Variants in AGAP1 observed in about 807,000 individuals in gnomAD.
AGAP1 encodes the protein arf-GAP with GTPase, ANK repeat and PH domain-containing protein 1.
Under a neutral mutation model 105.3 loss-of-function variants are expected in AGAP1, and 29 were observed. The observed-to-expected ratio is 0.28, with a 90% CI of 0.21 to 0.38. The LOEUF (loss-of-function observed/expected upper bound fraction) is 0.38, where lower values mean the gene tolerates loss of function less well. Among genes scored for constraint, AGAP1 ranks in the 10% least tolerant of loss-of-function variants. The pLI, the probability that AGAP1 is intolerant of heterozygous loss-of-function variation, is 1.00. For synonymous variants in AGAP1, 509 were observed against 485.9 expected, an observed-to-expected ratio of 1.05 and a Z score of -0.63; for missense variants, 998 against 1,165.1, an observed-to-expected ratio of 0.86 and a Z score of 2.09.
Position 236,036,055 on chromosome 2 carries a change from A to G in AGAP1, c.1646-506A>G, listed in dbSNP as rs2057370340. ...ATCCCATGCACTCTCCCTGTCTGAA[A>G]ACGTGGGAATTGATGCCTCTCCCAC... On this transcript the variant is annotated intron_variant, in intron 13 of 17. Coordinates refer to ENST00000304032, the MANE Select transcript of AGAP1 (RefSeq NM_001037131.3). This position sits in a 1 kb window ranked among gnomAD's most constrained non-coding sequence, Gnocchi z 5.7. 1.3e-5 allele frequency among the ~76,000 whole-genome samples: 2 copies of G among 151,974 alleles called. No homozygotes were observed. The highest frequency in any genetic ancestry group is 2.9e-5 in the Non-Finnish European group (2 of 67,982).
In AGAP1 at chr2:235,748,858, A is replaced by T. The variant is rs142771833; in HGVS notation, c.539-1496A>T. On this transcript the variant is annotated intron_variant, in intron 5 of 17. Transcript: ENST00000304032. ...TGGATTTTTGTTTAAAGAGTTGTTT[A>T]TTGTTTTCTTTGGCATAAGAGCCTT... Among the ~76,000 whole-genome samples the T allele has an allele frequency of 1.4e-3, 219 of 152,278 alleles. 1 individual carries two copies. The highest frequency in any genetic ancestry group is 4.6e-3 in the African/African-American group (192 of 41,560).
chr2:235,540,787 G>A (rs779949782), intron 1 of AGAP1, among the ~76,000 whole-genome samples: 129 of 152,254 alleles, frequency 8.5e-4, no homozygotes, highest in Admixed American at 2.9e-3. Flanking sequence ...ATGCCGGGCA[G>A]TATAAAAAGT....
Position 235,663,762 on chromosome 2 carries a change from A to C in AGAP1, c.164-45417A>C, listed in dbSNP as rs1948038572. Among the ~76,000 whole-genome samples the C allele has an allele frequency of 6.6e-6, 1 of 152,138 alleles. No homozygotes were observed. On this transcript the variant is annotated intron_variant, in intron 1 of 17. Transcript: ENST00000304032. This position sits in a 1 kb window ranked among gnomAD's most constrained non-coding sequence, Gnocchi z 5.4. Reference sequence around the variant, plus strand: ...TCCAGGAAGCTCTTAGGAGAATCCAAATCCGACTTCCCTGTGCTTTGAGAA... The same window carrying C: ...TCCAGGAAGCTCTTAGGAGAATCCACATCCGACTTCCCTGTGCTTTGAGAA...
At chr2:235,749,926 G>A (rs1953291464) in intron 5 of AGAP1, among the ~76,000 whole-genome samples, 1 of 152,224 alleles carries the variant, frequency 6.6e-6, no homozygotes, top group South Asian at 2.1e-4. Flanking sequence ...GGCTCAGTGA[G>A]CATTTATTAA....
chr2:235,784,795 C>T (rs560027920), intron 6 of AGAP1, among the ~76,000 whole-genome samples: 1 of 152,156 alleles, frequency 6.6e-6, no homozygotes, highest in African/African-American at 2.4e-5. Context: ...ACTATAACAT[C>T]ACAAAGGGCA....
At chr2:235,640,406 A>G (rs990643524) in intron 1 of AGAP1, among the ~76,000 whole-genome samples, 1 of 152,242 alleles carries the variant, frequency 6.6e-6, no homozygotes, top group African/African-American at 2.4e-5. Context: ...CCAGGTCAGA[A>G]GGATAATCTC....
Position 235,701,397 on chromosome 2 carries a change from G to T in AGAP1, c.164-7782G>T, listed in dbSNP as rs1201884038. Among the ~76,000 whole-genome samples, 1 of 152,112 alleles carries T rather than the reference G, an allele frequency of 6.6e-6. No homozygotes were observed. Among genetic ancestry groups the T allele is most frequent in the Non-Finnish European group, 1.5e-5 (1 of 68,026 alleles). On this transcript the variant is annotated intron_variant, in intron 1 of 17. Coordinates refer to ENST00000304032, the MANE Select transcript of AGAP1 (RefSeq NM_001037131.3). This position sits in a 1 kb window ranked among gnomAD's most constrained non-coding sequence, Gnocchi z 4.1. Reference sequence around the variant, plus strand: ...CAGTGGCGTGGATGTACCTGCAGGGGTGGGCATGGTGGCATCTTGGTGGCC... The same window carrying T: ...CAGTGGCGTGGATGTACCTGCAGGGTTGGGCATGGTGGCATCTTGGTGGCC...
intron 9 of AGAP1, among the ~76,000 whole-genome samples, chr2:235,863,209 G>T (rs2049008709): frequency 6.6e-6 from 1 of 152,226 alleles, no homozygotes; most frequent in South Asian, 2.1e-4. Context: ...GAGCCAGATG[G>T]CAGGGGCATC....
Position 235,971,350 on chromosome 2 carries a change from A to G in AGAP1, c.1645+2727A>G, listed in dbSNP as rs1053510990. Among the ~76,000 whole-genome samples, 1 of 152,226 alleles carries G rather than the reference A, an allele frequency of 6.6e-6. No homozygotes were observed. Among genetic ancestry groups the G allele is most frequent in the Non-Finnish European group, 1.5e-5 (1 of 68,042 alleles). On this transcript the variant is annotated intron_variant, in intron 13 of 17. Coordinates refer to ENST00000304032, the MANE Select transcript of AGAP1 (RefSeq NM_001037131.3). This position sits in a 1 kb window ranked among gnomAD's most constrained non-coding sequence, Gnocchi z 4.8. ...GATTCAGTGATATATGATATTTTTG[A>G]TAGTTTTATTTACTGTTAATTCCTT...
At chr2:235,935,675 A>G (rs1351721553) in intron 12 of AGAP1, among the ~76,000 whole-genome samples, 1 of 152,232 alleles carries the variant, frequency 6.6e-6, no homozygotes, top group Non-Finnish European at 1.5e-5. Flanking sequence ...GCTTTGCTTT[A>G]TTGATAGATT....
chr2:235,671,021 T>C (rs1948386410), intron 1 of AGAP1: 1 of 1,309,936 alleles, frequency 7.6e-7, no homozygotes, highest in Admixed American at 3.8e-5. Context: ...AGCGCACTCG[T>C]CCAGCGCCGA....
In AGAP1 at chr2:235,973,534, A is replaced by G. The variant is rs997264367; in HGVS notation, c.1645+4911A>G. Among the ~76,000 whole-genome samples the G allele has an allele frequency of 5.3e-5, 8 of 152,148 alleles. No homozygotes were observed. Among genetic ancestry groups the G allele is most frequent in the Non-Finnish European group, 1.0e-4 (7 of 68,022 alleles). ...TGGTGACAGGGCCTGAAGCCTATGC[A>G]TGGAGGGAACGTGCAGTGACCAGAG... On this transcript the variant is annotated intron_variant, in intron 13 of 17. Transcript: ENST00000304032. This position sits in a 1 kb window ranked among gnomAD's most constrained non-coding sequence, Gnocchi z 4.7.
rs1308878132 is a variant in AGAP1, at chr2:235,566,360, C to T, written c.163+71511C>T. Among the ~76,000 whole-genome samples the T allele has an allele frequency of 2.0e-5, 3 of 152,164 alleles. No individual in the cohort carries two copies. Among genetic ancestry groups the T allele is most frequent in the African/African-American group, 2.4e-5 (1 of 41,442 alleles). On this transcript the variant is annotated intron_variant, in intron 1 of 17. Transcript: ENST00000304032. The surrounding 1 kb of genome is among the most constrained non-coding windows in gnomAD (Gnocchi z 5.2). ...TTGGGATTACAGATATAAGCCATCA[C>T]GCCCGGCCTTGTATTATTTTTCAAT...
At chr2:235,948,661 T>C (rs2053603372) in intron 12 of AGAP1, among the ~76,000 whole-genome samples, 1 of 152,090 alleles carries the variant, frequency 6.6e-6, no homozygotes, top group Non-Finnish European at 1.5e-5. Context: ...TAGAGATGGG[T>C]CCTCAGCTGG....
At chr2:235,619,902 A>G (rs550830806) in intron 1 of AGAP1, among the ~76,000 whole-genome samples, 3 of 152,112 alleles carry the variant, frequency 2.0e-5, no homozygotes, top group East Asian at 2.0e-4. Context: ...GCCAGACTAT[A>G]TGCTGGGCTT....
rs1944777122 is a variant in AGAP1 at position 235,577,605 on chromosome 2, C to T, written c.163+82756C>T. 6.6e-6 allele frequency among the ~76,000 whole-genome samples: 1 copy of T among 152,138 alleles called. No homozygotes were observed. Among genetic ancestry groups the T allele is most frequent in the South Asian group, 2.1e-4 (1 of 4,818 alleles). On this transcript the variant is annotated intron_variant, in intron 1 of 17. Transcript: ENST00000304032. The surrounding 1 kb of genome is among the most constrained non-coding windows in gnomAD (Gnocchi z 4.5). The stretch of plus-strand genomic sequence containing the variant: ...GCCCGGAGCATGGCTGTGTGGCTGC[C>T]TGACTACATGGTTCTTCCCCCGGTT...
chr2:235,926,239 G>C (rs1217008170), intron 11 of AGAP1, among the ~76,000 whole-genome samples: 1 of 152,206 alleles, frequency 6.6e-6, no homozygotes, highest in African/African-American at 2.4e-5. Context: ...ACTATAATTG[G>C]ATATGGAATG....
In AGAP1 at chr2:236,089,674, T is replaced by G. The variant is rs1029429229; in HGVS notation, c.2115-30518T>G. 2.6e-5 allele frequency among the ~76,000 whole-genome samples: 4 copies of G among 152,232 alleles called. No homozygotes were observed. The highest frequency in any genetic ancestry group is 6.5e-5 in the Admixed American group (1 of 15,286). Reference sequence around the variant, plus strand: ...AGGCCCTCTGCAAATTTCTGATTCCTGTACAGTCAGCATTAATATGCTGCT... The same window carrying G: ...AGGCCCTCTGCAAATTTCTGATTCCGGTACAGTCAGCATTAATATGCTGCT... On this transcript the variant is annotated intron_variant, in intron 16 of 17. Transcript: ENST00000304032. The surrounding 1 kb of genome is among the most constrained non-coding windows in gnomAD (Gnocchi z 5.6).
At position 235,621,798 on chromosome 2, in the gene AGAP1, G is replaced by A. The variant is rs1946488652; in HGVS notation, c.164-87381G>A. ...GAGCTATTCCCAGTCTAACAGGAGA[G>A]GGCACATGGCAGTAACCCCCTGGGA... On this transcript the variant is annotated intron_variant, in intron 1 of 17. Coordinates refer to ENST00000304032, the MANE Select transcript of AGAP1 (RefSeq NM_001037131.3). The surrounding 1 kb of genome is among the most constrained non-coding windows in gnomAD (Gnocchi z 4.1). 1.3e-5 allele frequency among the ~76,000 whole-genome samples: 2 copies of A among 152,326 alleles called. No homozygotes were observed. The highest frequency in any genetic ancestry group is 2.1e-4 in the South Asian group (1 of 4,822).
Sources: allele counts gnomAD v4.1 joint callset (sites outside exome capture counted in the v4.1 genomes callset), GRCh38; gene constraint gnomAD v4.1.1; non-coding constraint Gnocchi (gnomAD v3.1); transcripts MANE v1.5; gene names NCBI Gene and HGNC (gene_info 2026-07-23, HGNC 2026-07-21).